Variants in NEGR1 observed in about 807,000 individuals in gnomAD.
The protein encoded by NEGR1 is IgLON family member 4.
NEGR1 carries 10 observed loss-of-function variants against 40.9 expected under a neutral mutation model. The observed-to-expected ratio is 0.24, with a 90% CI of 0.15 to 0.42. The LOEUF (loss-of-function observed/expected upper bound fraction) is 0.42. Among genes scored for constraint, NEGR1 ranks in the 10% least tolerant of loss-of-function variants. NEGR1 has a pLI of 1.00. For synonymous variants in NEGR1, 185 were observed against 166.8 expected, an observed-to-expected ratio of 1.11 and a Z score of -0.84; for missense variants, 352 against 438.9, an observed-to-expected ratio of 0.80 and a Z score of 1.77.
intron 1 of NEGR1, among the ~76,000 whole-genome samples, chr1:72,124,426 T>A (rs1649930644): frequency 6.6e-6 from 1 of 150,794 alleles, no homozygotes; most frequent in South Asian, 2.1e-4. Context: ...ATATTAAGAC[T>A]AGGGCAGAAA....
At chr1:71,605,174 C>A (rs1650040394) in intron 5 of NEGR1, among the ~76,000 whole-genome samples, 1 of 152,138 alleles carries the variant, frequency 6.6e-6, no homozygotes. Flanking sequence ...TTTTTAAAAT[C>A]TATTCATTTA....
At chr1:72,048,486 T>G (rs1647023783) in intron 1 of NEGR1, among the ~76,000 whole-genome samples, 1 of 149,746 alleles carries the variant, frequency 6.7e-6, no homozygotes, top group Admixed American at 6.7e-5. Context: ...TGTAAGCGCC[T>G]TCAAGTTTCA....
chr1:71,984,135 C>T (rs1646376075), intron 1 of NEGR1, among the ~76,000 whole-genome samples: 1 of 146,164 alleles, frequency 6.8e-6, no homozygotes, highest in Non-Finnish European at 1.5e-5. Flanking sequence ...CATTATTTTT[C>T]TCCCTCATTC....
intron 4 of NEGR1, among the ~76,000 whole-genome samples, chr1:71,654,228 G>C (rs180798840): frequency 6.6e-6 from 1 of 152,036 alleles, no homozygotes; most frequent in East Asian, 1.9e-4. Flanking sequence ...GGAATGTAGA[G>C]TATTTTAAGG....
chr1:71,785,657 C>T (rs1656885163), intron 2 of NEGR1, among the ~76,000 whole-genome samples: 1 of 152,158 alleles, frequency 6.6e-6, no homozygotes, highest in African/African-American at 2.4e-5. Flanking sequence ...GAACTGTTTT[C>T]TTGCCTCATC....
chr1:72,139,759 T>G (rs964019876), intron 1 of NEGR1, among the ~76,000 whole-genome samples: 1 of 152,054 alleles, frequency 6.6e-6, no homozygotes, highest in African/African-American at 2.4e-5. Flanking sequence ...ACAGGGAGCC[T>G]AGGGAAGCAT....
chr1:71,963,707 T>C (rs1646187350), intron 1 of NEGR1, among the ~76,000 whole-genome samples: 1 of 152,204 alleles, frequency 6.6e-6, no homozygotes, highest in Admixed American at 6.5e-5. Context: ...TTAAAATGTC[T>C]ATGATTGGGT....
intron 1 of NEGR1, among the ~76,000 whole-genome samples, chr1:72,184,413 T>C (rs773613247): frequency 4.6e-5 from 7 of 151,846 alleles, no homozygotes; most frequent in Non-Finnish European, 8.8e-5. Context: ...AAAGGAAAAA[T>C]GTGCAAGAGC....
intron 4 of NEGR1, among the ~76,000 whole-genome samples, chr1:71,672,217 A>G (rs142498323): frequency 1.7e-4 from 26 of 152,288 alleles, no homozygotes; most frequent in African/African-American, 5.3e-4. Context: ...GATATAAACC[A>G]TAGACACAAT....
chr1:72,259,177 C>T (rs1655372690), intron 1 of NEGR1, among the ~76,000 whole-genome samples: 1 of 151,950 alleles, frequency 6.6e-6, no homozygotes, highest in Non-Finnish European at 1.5e-5. Flanking sequence ...CAGTAGTTAC[C>T]AAGTATATAG....
At chr1:71,483,304 C>T (rs1646866322) in intron 6 of NEGR1, among the ~76,000 whole-genome samples, 1 of 151,366 alleles carries the variant, frequency 6.6e-6, no homozygotes, top group Non-Finnish European at 1.5e-5. Context: ...GACTGTTTTA[C>T]TCTAAGTGAA....
intron 1 of NEGR1, among the ~76,000 whole-genome samples, chr1:72,167,340 A>T (rs908779988): frequency 1.3e-5 from 2 of 152,096 alleles, no homozygotes; most frequent in Non-Finnish European, 2.9e-5. Context: ...ACTCCTATTT[A>T]TGTATAAGAT....
intron 4 of NEGR1, among the ~76,000 whole-genome samples, chr1:71,625,733 G>C (rs567188049): frequency 1.1e-4 from 16 of 151,564 alleles, no homozygotes; most frequent in Middle Eastern, 3.4e-3. Context: ...TAAGGCAGGC[G>C]TCCCCAAGCC....
intron 6 of NEGR1, among the ~76,000 whole-genome samples, chr1:71,591,093 T>G (rs1483197381): frequency 6.6e-6 from 1 of 152,182 alleles, no homozygotes; most frequent in Non-Finnish European, 1.5e-5. Context: ...CCAGGGGTTC[T>G]GAATATATGA....
intron 6 of NEGR1, among the ~76,000 whole-genome samples, chr1:71,579,603 AT>A (rs36097070): frequency 0.033 from 4,630 of 138,812 alleles, 173 homozygotes; most frequent in African/African-American, 0.11. Context: ...ACTACTTAAG[AT>A]TTTTTTTTTT....
chr1:71,704,170 C>T (rs900231652), intron 3 of NEGR1, among the ~76,000 whole-genome samples: 1 of 135,112 alleles, frequency 7.4e-6, no homozygotes, highest in Non-Finnish European at 1.5e-5. Context: ...CTGTCACACA[C>T]ACACACACAC....
At chr1:71,792,620 C>A (rs1029884965) in intron 2 of NEGR1, among the ~76,000 whole-genome samples, 1 of 152,018 alleles carries the variant, frequency 6.6e-6, no homozygotes, top group African/African-American at 2.4e-5. Context: ...ATAAAATGTA[C>A]CAAATGGCAG....
intron 6 of NEGR1, among the ~76,000 whole-genome samples, chr1:71,577,385 T>C (rs1648999026): frequency 6.6e-6 from 1 of 152,170 alleles, no homozygotes; most frequent in South Asian, 2.1e-4. Flanking sequence ...GGAAGAAGCC[T>C]ATAACATGGC....
intron 2 of NEGR1, among the ~76,000 whole-genome samples, chr1:71,851,132 C>T (rs763531740): frequency 1.5e-4 from 23 of 152,108 alleles, no homozygotes; most frequent in Non-Finnish European, 2.6e-4. Flanking sequence ...AGCAAAGGAA[C>T]ATTTTGGCAG....
Sources: gnomAD v4.1 joint callset for allele counts (sites outside exome capture counted in the v4.1 genomes callset) on GRCh38, gnomAD v4.1.1 for gene constraint, MANE v1.5 for transcripts, NCBI Gene and HGNC (gene_info 2026-07-23, HGNC 2026-07-21) for gene names.